The following FSIP2 variants were observed in gnomAD, a reference collection of about 807,000 sequenced individuals.
FSIP2 encodes the protein fibrous sheath interacting protein 2, also known as fibrous sheath-interacting protein 2.
Under a neutral mutation model 510.5 loss-of-function variants are expected in FSIP2, and 367 were observed. The observed-to-expected ratio is 0.72, with a 90% confidence interval of 0.66 to 0.78. FSIP2 has a LOEUF of 0.78. FSIP2 is among the 30% of genes least tolerant of loss of function. FSIP2 has a pLI of 0.00. For missense variants in FSIP2, 7,594 were observed against 7,901.7 expected (o/e 0.96, Z 1.48); for synonymous variants, 2,601 against 2,732.2 (o/e 0.95, Z 1.50).
intron 15 of FSIP2, 151 bp from the exon 16 acceptor site, chr2:185,788,492 A>C: frequency 1.9e-6 from 1 of 516,120 alleles, no homozygotes; most frequent in Non-Finnish European, 3.3e-6. Flanking sequence ...CTAAATTTCT[A>C]AACTGATATT....
At chr2:185,773,327 C>G (rs190331707) in intron 13 of FSIP2, among the ~76,000 whole-genome samples, 11 of 152,270 alleles carry the variant, frequency 7.2e-5, no homozygotes, top group Admixed American at 6.5e-4. Flanking sequence ...TTATGTCATT[C>G]TCTTCTGGCG....
At position 185,790,792 on chromosome 2, in the gene FSIP2, C is replaced by T. The variant is rs1309789483; in HGVS notation, c.3656C>T (p.Pro1219Leu). ...HIVKEAPNKY[P>L]LKTWFDSEKK... ...GTCAAAGAAGCACCAAATAAATACC[C>T]ATTAAAAACATGGTTTGACAGTGAA... is the stretch of plus-strand genomic sequence containing the variant. The change falls in exon 16 of 23, where the codon CCA (proline) becomes CTA (leucine). Residue 1219 changes from proline to leucine, a missense_variant. Transcript: ENST00000424728. The T allele has an allele frequency of 6.5e-7, 1 of 1,531,868 alleles. No homozygotes were observed. The highest frequency in any genetic ancestry group is 2.0e-5 in the Admixed American group (1 of 50,612). The allele number at this position is 1,531,868 out of a possible 1,614,324, so 94.9% of individuals were successfully genotyped here.
chr2:185,767,716 GATCT>G (rs924954190), intron 13 of FSIP2, among the ~76,000 whole-genome samples: 4 of 152,082 alleles, frequency 2.6e-5, no homozygotes, highest in Admixed American at 1.3e-4. Flanking sequence ...TAGACAGATA[GATCT>G]ATCTCTTGGT....
At position 185,822,297 on chromosome 2, in the gene FSIP2, G is replaced by A. The variant is rs572534640; in HGVS notation, c.20427-2137G>A. On this transcript the variant is annotated intron_variant, in intron 19 of 22. Transcript: ENST00000424728. ...AAAAATTGTTGTTTATAGATGACAT[G>A]GTCATAATGTAGAAACCCCTGAAGA... 3.9e-5 allele frequency among the ~76,000 whole-genome samples: 6 copies of A among 151,944 alleles called. No individual in the cohort carries two copies. The South Asian group carries it at 1.2e-3, about 32-fold the overall frequency.
chr2:185,791,981 T>C lies in FSIP2; in HGVS notation c.4845T>C (p.Asn1615=), dbSNP rs185270999. ...TTAATGATGGAAATAAGAAAAGCAA[T>C]AAGATAGGCTGGGAATATGAAAGCA... ...GAINDGNKKS[N]KIGWEYESTN... is the part of the protein sequence containing the mutation. The change falls in exon 16 of 23, where the codon AAT becomes AAC. Residue 1615 remains asparagine, a synonymous_variant. Coordinates refer to ENST00000424728, the MANE Select transcript of FSIP2 (RefSeq NM_173651.4). The C allele has an allele frequency of 6.7e-5, 103 of 1,533,850 alleles. No homozygotes were observed. In the African/African-American group the frequency reaches 1.3e-3, roughly 19 times the overall value.
chr2:185,789,635 T>C lies in FSIP2; in HGVS notation c.2499T>C (p.Thr833=). ...MVHAILEKLM[T]LVSFKQNEFL... The stretch of plus-strand genomic sequence containing the variant: ...ATGCCATTTTAGAAAAGCTAATGAC[T>C]CTTGTTTCTTTTAAGCAAAATGAAT... Residue 833 remains threonine (T), a synonymous_variant, in exon 16 of 23, where the codon ACT becomes ACC. Coordinates refer to ENST00000424728, the MANE Select transcript of FSIP2 (RefSeq NM_173651.4). 1 of 1,534,508 alleles carries C rather than the reference T, an allele frequency of 6.5e-7. No homozygotes were observed. The highest frequency in any genetic ancestry group is 8.7e-7 in the Non-Finnish European group (1 of 1,145,792).
chr2:185,747,530 A>C (rs565419768), intron 7 of FSIP2, 107 bp downstream of exon 7: 24 of 594,760 alleles, frequency 4.0e-5, no homozygotes, highest in Middle Eastern at 5.2e-4. Context: ...CAGTTACTCC[A>C]AATGATATGC....
In FSIP2 at chr2:185,810,537, C is replaced by CT. The variant is rs11298474; in HGVS notation, c.19827+1430dup. Among the ~76,000 whole-genome samples the CT allele has an allele frequency of 1.9e-3, 198 of 107,020 alleles. 1 individual carries two copies. Among genetic ancestry groups the CT allele is most frequent in the Middle Eastern group, 5.6e-3 (1 of 178 alleles). 70.2% of individuals were successfully genotyped at this position (107,020 alleles called of 152,430 possible). A position where few individuals can be genotyped will look rare whatever the true frequency, so the allele number is the denominator to read the frequency against. ...GCAGAACCATGAGCCAGTTAAACCT[C>CT]TTTTTTTTTTTTTTTTTTTTTTTTT... On this transcript the variant is annotated intron_variant, in intron 17 of 22. Transcript: ENST00000424728.
chr2:185,804,360 AG>A lies in FSIP2; in HGVS notation c.15055del (p.Glu5019LysfsTer6). On this transcript the variant is annotated frameshift_variant, in exon 17 of 23. Coordinates refer to ENST00000424728, the MANE Select transcript of FSIP2 (RefSeq NM_173651.4). LOFTEE classifies it high-confidence loss of function. ...ATTTGTGTTTCTCAGAAAGATACAA[AG>A]AAATGGTTCAAAAAATAGTCAACTC... is the stretch of plus-strand genomic sequence containing the variant. ...KNLCFSERYK[E>X]MVQKIVNSVY... is the part of the protein sequence containing the mutation. 1 of 1,502,216 alleles carries A rather than the reference AG, an allele frequency of 6.7e-7. No homozygotes were observed. Among genetic ancestry groups the A allele is most frequent in the Non-Finnish European group, 8.8e-7 (1 of 1,133,084 alleles). 93.1% of individuals were successfully genotyped at this position (1,502,216 alleles called of 1,614,324 possible). A position where few individuals can be genotyped will look rare whatever the true frequency, so the allele number is the denominator to read the frequency against.
At chr2:185,822,096 C>T (rs1030466382) in intron 19 of FSIP2, among the ~76,000 whole-genome samples, 1 of 151,974 alleles carries the variant, frequency 6.6e-6, no homozygotes, top group Non-Finnish European at 1.5e-5. Context: ...ATATATGAAA[C>T]ATCTACAGCT....
chr2:185,783,289 C>T (rs1250756238), intron 14 of FSIP2, among the ~76,000 whole-genome samples: 4 of 152,106 alleles, frequency 2.6e-5, no homozygotes, highest in African/African-American at 9.7e-5. Context: ...TTCTTCAAAC[C>T]TTAGTGACCA....
rs1692877847 is a variant in FSIP2 at position 185,782,707 on chromosome 2, C to T, written c.1414C>T (p.Pro472Ser). ...AATTTTATTTTTCTGATAAATAGGA[C>T]CTCAGGCTCATGCTACAGACCCGGG... Reference protein sequence around the residue: ...KRSSYLCESGPQAHATDPGIF... With the variant: ...KRSSYLCESGSQAHATDPGIF... Residue 472 changes from proline to serine, a missense_variant and splice_region_variant, in exon 14 of 23, where the codon CCT (proline) becomes TCT (serine). Transcript: ENST00000424728. The T allele has an allele frequency of 6.6e-7, 1 of 1,510,464 alleles. No homozygotes were observed. 93.6% of individuals were successfully genotyped at this position (1,510,464 alleles called of 1,614,324 possible).
chr2:185,800,985 A>G lies in FSIP2; in HGVS notation c.11679A>G (p.Ile3893Met). The G allele has an allele frequency of 6.5e-7, 1 of 1,530,076 alleles. No individual in the cohort carries two copies. Among genetic ancestry groups the G allele is most frequent in the Non-Finnish European group, 8.7e-7 (1 of 1,143,388 alleles). The allele number at this position is 1,530,076 out of a possible 1,614,324, so 94.8% of individuals were successfully genotyped here. Residue 3893 changes from isoleucine (I) to methionine (M), a missense_variant, in exon 17 of 23, where the codon ATA (isoleucine) becomes ATG (methionine). Coordinates refer to ENST00000424728, the MANE Select transcript of FSIP2 (RefSeq NM_173651.4). ...SFIKARKSELIELGQSKSSLE... is the reference protein window; with the variant it reads ...SFIKARKSELMELGQSKSSLE... ...TAAAAGCAAGAAAGTCAGAATTAAT[A>G]GAATTAGGACAGAGTAAAAGTTCTT...
chr2:185,759,625 A>G (rs2105554259), intron 9 of FSIP2, among the ~76,000 whole-genome samples: 1 of 146,074 alleles, frequency 6.8e-6, no homozygotes, highest in East Asian at 2.0e-4. Flanking sequence ...TGGTCAGTAT[A>G]ATATTAATAA....
At position 185,789,682 on chromosome 2, in the gene FSIP2, A is replaced by G; in HGVS notation, c.2546A>G (p.Asn849Ser). 1 of 1,534,034 alleles carries G rather than the reference A, an allele frequency of 6.5e-7. No individual in the cohort carries two copies. Among genetic ancestry groups the G allele is most frequent in the East Asian group, 2.4e-5 (1 of 40,854 alleles). The change falls in exon 16 of 23, where the codon AAT (asparagine) becomes AGT (serine). Residue 849 changes from asparagine (N) to serine (S), a missense_variant. Transcript: ENST00000424728. ...QNEFLHLKDT[N>S]KLSCQQHKTD... ...GAATTTCTTCATCTTAAAGACACAA[A>G]TAAGCTTTCCTGCCAGCAACATAAG...
intron 13 of FSIP2, among the ~76,000 whole-genome samples, chr2:185,778,701 C>T (rs924236441): frequency 1.3e-5 from 2 of 151,928 alleles, no homozygotes; most frequent in Non-Finnish European, 2.9e-5. Flanking sequence ...TGGTTGAAAA[C>T]AATGAATATT....
At chr2:185,741,240 T>C (rs1451300405) in intron 2 of FSIP2, among the ~76,000 whole-genome samples, 1 of 151,446 alleles carries the variant, frequency 6.6e-6, no homozygotes, top group East Asian at 1.9e-4. Flanking sequence ...AAAGATGTTC[T>C]ATTTTTTATT....
rs574513176 is a variant in FSIP2, at chr2:185,807,886, T to C, written c.18580T>C (p.Phe6194Leu). 1 of 1,603,940 alleles carries C rather than the reference T, an allele frequency of 6.2e-7. No individual in the cohort carries two copies. The highest frequency in any genetic ancestry group is 1.1e-5 in the South Asian group (1 of 88,932). Residue 6194 changes from phenylalanine to leucine, a missense_variant, in exon 17 of 23, where the codon TTT (phenylalanine) becomes CTT (leucine). Coordinates refer to ENST00000424728, the MANE Select transcript of FSIP2 (RefSeq NM_173651.4). ...ATTTTTATCAAAGCTTTTATCTATA[T>C]TTCCAAAAGTACATAAAGAAAGAAC... ...VKFLSKLLSIFPKVHKERTKS... is the reference protein window; with the variant it reads ...VKFLSKLLSILPKVHKERTKS...
At position 185,806,875 on chromosome 2, in the gene FSIP2, G is replaced by A; in HGVS notation, c.17569G>A (p.Gly5857Arg). 1 of 1,608,412 alleles carries A rather than the reference G, an allele frequency of 6.2e-7. No individual in the cohort carries two copies. Among genetic ancestry groups the A allele is most frequent in the Non-Finnish European group, 8.5e-7 (1 of 1,177,832 alleles). Residue 5857 changes from glycine to arginine, a missense_variant, in exon 17 of 23, where the codon GGG becomes AGG. By Grantham distance (125) the Gly-to-Arg change is moderately radical (BLOSUM62 -2). Transcript: ENST00000424728. ...GCCAGATAAGGGAAATCAGTTCCCT[G>A]GGGGTAAAGTGTCTTCAGTTCCTAA... ...FRPDKGNQFP[G>R]GKVSSVPKVP... is the part of the protein sequence containing the mutation.
Sources: gnomAD v4.1 joint callset for allele counts (sites outside exome capture counted in the v4.1 genomes callset) on GRCh38, gnomAD v4.1.1 for gene constraint, MANE v1.5 for transcripts, NCBI Gene and HGNC (gene_info 2026-07-23, HGNC 2026-07-21) for gene names.